The following CLYBL variants were observed in gnomAD, a reference collection of about 807,000 sequenced individuals.
CLYBL encodes citramalyl-CoA lyase, mitochondrial.
A neutral mutation model predicts 38.9 loss-of-function variants in CLYBL; 31 were observed. The ratio of observed to expected loss-of-function variants is 0.80; its 90% CI spans 0.60 to 1.08. CLYBL has a LOEUF of 1.08. CLYBL is among the 50% of genes least tolerant of loss of function. The probability of loss-of-function intolerance (pLI) is 0.00; values close to 1 mark genes in which losing one functional copy is unlikely to be tolerated. For synonymous variants in CLYBL, 171 were observed against 158.6 expected, an observed-to-expected ratio of 1.08 and a Z score of -0.59; for missense variants, 434 against 411.6, an observed-to-expected ratio of 1.05 and a Z score of -0.47.
chr13:99,829,387 C>T (rs2050760382), intron 2 of CLYBL, among the ~76,000 whole-genome samples: 1 of 152,178 alleles, frequency 6.6e-6, no homozygotes, highest in Non-Finnish European at 1.5e-5. Flanking sequence ...AAGTCCATGC[C>T]AAAAAGATCC....
intron 1 of CLYBL, among the ~76,000 whole-genome samples, chr13:99,671,136 C>A (rs1594111426): frequency 1.3e-5 from 2 of 152,206 alleles, no homozygotes; most frequent in African/African-American, 4.8e-5. Context: ...CAGATTCTTT[C>A]TGTAGCTGGC....
At chr13:99,616,955 CAAT>C (rs546220552) in intron 1 of CLYBL, among the ~76,000 whole-genome samples, 3 of 150,862 alleles carry the variant, frequency 2.0e-5, no homozygotes, top group Non-Finnish European at 3.0e-5. Context: ...GACTCCGTCT[CAAT>C]AATAATAATA....
chr13:99,895,564 G>A (rs982449426), downstream of CLYBL: 10 of 152,254 alleles, frequency 6.6e-5, no homozygotes, highest in African/African-American at 2.4e-4. Flanking sequence ...CGGCGTACCT[G>A]AGCGCGGTCC....
At chr13:99,812,420 T>C (rs7139402) in intron 2 of CLYBL, among the ~76,000 whole-genome samples, 4,513 of 152,240 alleles carry the variant, frequency 0.03, 218 homozygotes, top group African/African-American at 0.1. Context: ...CTGAGTACAG[T>C]TTCCAATGGA....
In CLYBL at chr13:99,858,915, A is replaced by C; in HGVS notation, c.304A>C (p.Thr102Pro). 1 of 1,613,984 alleles carries C rather than the reference A, an allele frequency of 6.2e-7. No individual in the cohort carries two copies. Among genetic ancestry groups the C allele is most frequent in the Non-Finnish European group, 8.5e-7 (1 of 1,179,874 alleles). Residue 102 changes from threonine (T) to proline (P), a missense_variant, in exon 3 of 9, where the codon ACT (threonine) becomes CCT (proline). Transcript: ENST00000339105. The stretch of plus-strand genomic sequence containing the variant: ...TCTTGAAGACATTGATCTGGGCCCT[A>C]CTGAAAAATGTGTGAGAGTCAACTC... ...KTLEDIDLGP[T>P]EKCVRVNSVS...
At chr13:99,816,446 G>A (rs2050450133) in intron 2 of CLYBL, among the ~76,000 whole-genome samples, 1 of 152,240 alleles carries the variant, frequency 6.6e-6, no homozygotes, top group Admixed American at 6.5e-5. Flanking sequence ...ACAAGCAAGT[G>A]TCTTAGAACC....
At chr13:99,651,880 C>T (rs2047258555) in intron 1 of CLYBL, among the ~76,000 whole-genome samples, 4 of 152,020 alleles carry the variant, frequency 2.6e-5, no homozygotes, top group South Asian at 2.1e-4. Flanking sequence ...TGCAGTGAGC[C>T]GAGATCATGC....
intron 2 of CLYBL, among the ~76,000 whole-genome samples, chr13:99,853,129 TA>T (rs2051371940): frequency 1.3e-5 from 2 of 150,114 alleles, no homozygotes; most frequent in African/African-American, 4.8e-5. Context: ...CTAACATCTT[TA>T]AAAAATATTT....
At chr13:99,906,989 G>C (rs962840395) in intron 9 of CLYBL, among the ~76,000 whole-genome samples, 3 of 152,136 alleles carry the variant, frequency 2.0e-5, no homozygotes, top group Admixed American at 2.0e-4. Context: ...TATCAAAAAA[G>C]CCTCATTGGC....
At chr13:99,859,671 A>G (rs893936834) in intron 3 of CLYBL, among the ~76,000 whole-genome samples, 13 of 152,334 alleles carry the variant, frequency 8.5e-5, no homozygotes, top group African/African-American at 3.1e-4. Context: ...TTTTCAGCCA[A>G]TAAAAACCTG....
At chr13:99,867,827 A>G (rs1367589739) in intron 6 of CLYBL, among the ~76,000 whole-genome samples, 1 of 152,236 alleles carries the variant, frequency 6.6e-6, no homozygotes, top group Non-Finnish European at 1.5e-5. Flanking sequence ...AAAGCACTGC[A>G]TCGACACTGG....
chr13:99,628,173 T>C (rs1043550625), intron 1 of CLYBL, among the ~76,000 whole-genome samples: 3 of 152,184 alleles, frequency 2.0e-5, no homozygotes, highest in Non-Finnish European at 2.9e-5. Context: ...GAATGTGAAA[T>C]TTAATATTTT....
intron 1 of CLYBL, among the ~76,000 whole-genome samples, chr13:99,686,221 T>C (rs145734098): frequency 2.7e-4 from 41 of 152,314 alleles, no homozygotes; most frequent in African/African-American, 9.1e-4. Flanking sequence ...CAATCCAGGC[T>C]ACATGCTCTG....
chr13:99,852,799 A>G (rs1294296411), intron 2 of CLYBL, among the ~76,000 whole-genome samples: 1 of 152,210 alleles, frequency 6.6e-6, no homozygotes, highest in African/African-American at 2.4e-5. Flanking sequence ...AGAAACCAAT[A>G]TACTATACAC....
chr13:99,899,834 C>T (rs1043032744), downstream of CLYBL, among the ~76,000 whole-genome samples: 1 of 152,180 alleles, frequency 6.6e-6, no homozygotes, highest in African/African-American at 2.4e-5. Flanking sequence ...GCCAAACCTG[C>T]GCACAGTAGA....
intron 1 of CLYBL, among the ~76,000 whole-genome samples, chr13:99,743,966 CTTTTTTTTTTT>C (rs1162079530): frequency 4.3e-5 from 3 of 69,174 alleles, no homozygotes; most frequent in Middle Eastern, 0.015. Flanking sequence ...TCTCTTCTTT[CTTTTTTTTTTT>C]TTTTTTTTTT....
At chr13:99,816,513 G>C (rs1348634149) in intron 2 of CLYBL, among the ~76,000 whole-genome samples, 1 of 152,230 alleles carries the variant, frequency 6.6e-6, no homozygotes, top group East Asian at 1.9e-4. Context: ...GAATGTATGT[G>C]TCACCCTCAA....
chr13:99,688,314 C>T (rs2047848616), intron 1 of CLYBL, among the ~76,000 whole-genome samples: 1 of 151,794 alleles, frequency 6.6e-6, no homozygotes, highest in East Asian at 1.9e-4. Context: ...TATGCTAAAA[C>T]AGTGGGGGAG....
intron 2 of CLYBL, among the ~76,000 whole-genome samples, chr13:99,845,785 C>A (rs2051189777): frequency 6.6e-6 from 1 of 152,170 alleles, no homozygotes; most frequent in African/African-American, 2.4e-5. Flanking sequence ...AGCCTCTGTT[C>A]TCCAGCGATC....
Sources: allele counts gnomAD v4.1 joint callset (sites outside exome capture counted in the v4.1 genomes callset), GRCh38; gene constraint gnomAD v4.1.1; transcripts MANE v1.5; gene names NCBI Gene and HGNC (gene_info 2026-07-23, HGNC 2026-07-21).